Variants in ZGRF1 observed in about 807,000 individuals in gnomAD.
ZGRF1 encodes the protein 5'-3' DNA helicase ZGRF1.
Under a neutral mutation model 203.5 loss-of-function variants are expected in ZGRF1, and 196 were observed. That is an observed-to-expected ratio of 0.96 (90% CI 0.86 to 1.08). ZGRF1 has a LOEUF of 1.08. ZGRF1 is among the 50% of genes least tolerant of loss of function. ZGRF1 has a pLI of 0.00. For missense variants in ZGRF1, 2,326 were observed against 2,416.3 expected (o/e 0.96, Z 0.78); for synonymous variants, 809 against 841.3 (o/e 0.96, Z 0.66).
intron 10 of ZGRF1, among the ~76,000 whole-genome samples, chr4:112,596,711 A>T (rs1749079184): frequency 6.6e-6 from 1 of 152,026 alleles, no homozygotes; most frequent in Admixed American, 6.6e-5. Context: ...CTCCTGCCTT[A>T]GCCTCCCAAG....
chr4:112,583,926 CTGT>C, intron 15 of ZGRF1, 49 bp downstream of exon 15: 1 of 1,126,998 alleles, frequency 8.9e-7, no homozygotes, highest in African/African-American at 1.6e-5. Flanking sequence ...TCTGTGAAGG[CTGT>C]TGTTCTCTTA....
At chr4:112,563,583 G>A (rs1431261526) in intron 16 of ZGRF1, among the ~76,000 whole-genome samples, 1 of 152,208 alleles carries the variant, frequency 6.6e-6, no homozygotes, top group Non-Finnish European at 1.5e-5. Context: ...CATCACATGG[G>A]AAGATGAGTT....
In ZGRF1 at chr4:112,560,854, G is replaced by T; in HGVS notation, c.4839C>A (p.His1613Gln). ...LKLASELIQV[H>Q]KLNKDQATAL... ...CTGTAGCTTGATCCTTGTTTAACTT[G>T]TGTACCTGAATCAACTCACTAGCTA... The change falls in exon 19 of 28, where the codon CAC becomes CAA. Residue 1613 changes from histidine to glutamine, a missense_variant. Physicochemically the swap from His to Gln is conservative, Grantham distance 24. Transcript: ENST00000505019. 6.2e-7 allele frequency: 1 copy of T among 1,613,716 alleles called. No homozygotes were observed. Among genetic ancestry groups the T allele is most frequent in the Non-Finnish European group, 8.5e-7 (1 of 1,179,746 alleles).
intron 4 of ZGRF1, among the ~76,000 whole-genome samples, chr4:112,621,123 G>A (rs967940328): frequency 3.3e-5 from 5 of 151,960 alleles, no homozygotes. Context: ...AGACAAACAA[G>A]AACAAAATGC....
chr4:112,591,479 C>G (rs1418315367), intron 10 of ZGRF1, among the ~76,000 whole-genome samples: 4 of 152,118 alleles, frequency 2.6e-5, no homozygotes, highest in African/African-American at 9.7e-5. Context: ...TGATCAAAAC[C>G]CTCCAATGGC....
chr4:112,576,947 A>G (rs1445230942), intron 16 of ZGRF1, among the ~76,000 whole-genome samples: 2 of 151,898 alleles, frequency 1.3e-5, no homozygotes, highest in Non-Finnish European at 2.9e-5. Flanking sequence ...CATACTCCTC[A>G]AGAACAGCAA....
rs1210322947 is a variant in ZGRF1 at position 112,558,297 on chromosome 4, G to A, written c.4973C>T (p.Ala1658Val). The change falls in exon 20 of 28, where the codon GCA (alanine) becomes GTA (valine). Residue 1658 changes from alanine to valine, a missense_variant. Transcript: ENST00000505019. ...PITIIHGVFGAGKSYLLAVVI... is the reference protein window; with the variant it reads ...PITIIHGVFGVGKSYLLAVVI... Reference sequence around the variant, plus strand: ...CACTGCCAGCAAGTAACTCTTTCCTGCTCCAAACACACCTAATTATTTTAA... The same window carrying A: ...CACTGCCAGCAAGTAACTCTTTCCTACTCCAAACACACCTAATTATTTTAA... 1.9e-6 allele frequency: 3 copies of A among 1,547,106 alleles called. No homozygotes were observed. Among genetic ancestry groups the A allele is most frequent in the Non-Finnish European group, 2.6e-6 (3 of 1,156,168 alleles).
intron 10 of ZGRF1, among the ~76,000 whole-genome samples, chr4:112,597,250 G>T (rs942009799): frequency 1.3e-5 from 2 of 150,478 alleles, no homozygotes; most frequent in African/African-American, 4.9e-5. Flanking sequence ...GGGAGGGTCA[G>T]GCACTGTGCT....
At position 112,618,958 on chromosome 4, in the gene ZGRF1, T is replaced by G; in HGVS notation, c.1084A>C (p.Asn362His). 6.2e-7 allele frequency: 1 copy of G among 1,613,802 alleles called. No homozygotes were observed. The highest frequency in any genetic ancestry group is 8.5e-7 in the Non-Finnish European group (1 of 1,179,888). ...TTTTGTAATGAAAGGTCTTTCAAAT[T>G]AGAATTTACATCATCTTCCTGGGCC... ...PKAQEDDVNS[N>H]LKDLSLQKII... The change falls in exon 6 of 28, where the codon AAT (asparagine) becomes CAT (histidine). Residue 362 changes from asparagine to histidine, a missense_variant. Physicochemically the swap from Asn to His is moderately conservative, Grantham distance 68. Transcript: ENST00000505019.
rs546143280 is a variant in ZGRF1 at position 112,619,426 on chromosome 4, C to A, written c.616G>T (p.Val206Leu). 8 of 1,613,172 alleles carry A rather than the reference C, an allele frequency of 5.0e-6. No homozygotes were observed. The highest frequency in any genetic ancestry group is 6.8e-6 in the Non-Finnish European group (8 of 1,179,530). The change falls in exon 6 of 28, where the codon GTG (valine) becomes TTG (leucine). Residue 206 changes from valine to leucine, a missense_variant. Coordinates refer to ENST00000505019, the MANE Select transcript of ZGRF1 (RefSeq NM_018392.5). ...FSPSFQINPE[V>L]LCEENYFCSP... Reference sequence around the variant, plus strand: ...CAAAAATAATTTTCTTCACACAGCACTTCTGGGTTAATCTGGAAGGATGGA... The same window carrying A: ...CAAAAATAATTTTCTTCACACAGCAATTCTGGGTTAATCTGGAAGGATGGA...
At chr4:112,565,916 A>C (rs1231001086) in intron 16 of ZGRF1, among the ~76,000 whole-genome samples, 1 of 152,206 alleles carries the variant, frequency 6.6e-6, no homozygotes, top group Non-Finnish European at 1.5e-5. Flanking sequence ...AAACTAGTTC[A>C]ACCCTGTGGA....
intron 6 of ZGRF1, among the ~76,000 whole-genome samples, chr4:112,614,663 A>T (rs1030579441): frequency 1.3e-5 from 2 of 151,314 alleles, no homozygotes; most frequent in South Asian, 4.2e-4. Context: ...CGTCTCTAAT[A>T]AAAAAAAACA....
intron 9 of ZGRF1, among the ~76,000 whole-genome samples, chr4:112,604,405 T>C (rs896344012): frequency 6.6e-6 from 1 of 152,192 alleles, no homozygotes; most frequent in African/African-American, 2.4e-5. Context: ...CTATATATTA[T>C]AGACTCACAA....
chr4:112,600,404 T>C (rs1426325575), intron 10 of ZGRF1, among the ~76,000 whole-genome samples: 1 of 152,108 alleles, frequency 6.6e-6, no homozygotes. Context: ...TTAAAAATGA[T>C]AAACTAGGGC....
intron 16 of ZGRF1, among the ~76,000 whole-genome samples, chr4:112,569,713 C>T (rs1743856437): frequency 1.3e-5 from 2 of 152,006 alleles, no homozygotes; most frequent in Admixed American, 1.3e-4. Flanking sequence ...ATTAAAGAAA[C>T]ACATCCAGGT....
rs1747004345 is a variant in ZGRF1, at chr4:112,585,484, C to T, written c.4101+57G>A. 2.8e-6 allele frequency: 4 copies of T among 1,432,470 alleles called. No individual in the cohort carries two copies. In the South Asian group the frequency reaches 4.2e-5, roughly 15 times the overall value. 88.7% of individuals were successfully genotyped at this position (1,432,470 alleles called of 1,614,324 possible). The stretch of plus-strand genomic sequence containing the variant: ...AAGCTTATCATGAAGTAATAGGTAT[C>T]TAAACCCTTTATAAGACAAGTATTT... On this transcript the variant is annotated intron_variant, in intron 14 of 27. Coordinates refer to ENST00000505019, the MANE Select transcript of ZGRF1 (RefSeq NM_018392.5).
At position 112,620,002 on chromosome 4, in the gene ZGRF1, A is replaced by G; in HGVS notation, c.351T>C (p.Thr117=). The change falls in exon 5 of 28, where the codon ACT becomes ACC. Residue 117 remains threonine, a splice_region_variant and synonymous_variant. Transcript: ENST00000505019. ...TATTATTTTCCATAGCAAAACTTAC[A>G]GTAAACTTCCTTTTTAAGCCAGAGG... is the stretch of plus-strand genomic sequence containing the variant. ...CQPSGLKRKF[T]GFQGPRQVPK... 3 of 1,567,312 alleles carry G rather than the reference A, an allele frequency of 1.9e-6. No homozygotes were observed. The highest frequency in any genetic ancestry group is 1.2e-5 in the South Asian group (1 of 82,500).
chr4:112,589,814 A>G lies in ZGRF1; in HGVS notation c.3037T>C (p.Ser1013Pro). The G allele has an allele frequency of 6.2e-7, 1 of 1,613,388 alleles. No individual in the cohort carries two copies. Among genetic ancestry groups the G allele is most frequent in the Non-Finnish European group, 8.5e-7 (1 of 1,179,532 alleles). The change falls in exon 11 of 28, where the codon TCA becomes CCA. Residue 1013 changes from serine (S) to proline (P), a missense_variant. Ser to Pro is a moderately conservative substitution (Grantham distance 74). Transcript: ENST00000505019. ...TCTACCATGAAGTCTTCATCTCTTG[A>G]GTTCAAAGAAAAGGTAGAAACAGGG... ...LSPVSTFSLN[S>P]RDEDFMVEFS...
At chr4:112,636,694 C>G (rs2047659573) in intron 1 of ZGRF1, 157 bp downstream of exon 1, 2 of 152,228 alleles carry the variant, frequency 1.3e-5, no homozygotes, top group African/African-American at 4.8e-5. Flanking sequence ...GCACCACTTA[C>G]TACAAGCAGT....
Sources: gnomAD v4.1 joint callset for allele counts (sites outside exome capture counted in the v4.1 genomes callset) on GRCh38, gnomAD v4.1.1 for gene constraint, MANE v1.5 for transcripts, NCBI Gene and HGNC (gene_info 2026-07-23, HGNC 2026-07-21) for gene names.